The following VEPH1 variants were observed in gnomAD, a reference collection of about 807,000 sequenced individuals.
VEPH1 encodes the protein ventricular zone-expressed PH domain-containing protein homolog 1.
In VEPH1, 80 loss-of-function variants were observed where a neutral mutation model predicts 85.2. The ratio of observed to expected loss-of-function variants is 0.94; its 90% confidence interval spans 0.78 to 1.13. The LOEUF (loss-of-function observed/expected upper bound fraction) is 1.13. Ranked by LOEUF, VEPH1 falls within the 50% of genes most tolerant of loss-of-function variation. VEPH1 has a pLI of 0.00. For synonymous variants in VEPH1, 297 were observed against 348.0 expected (o/e 0.85, Z 1.63); for missense variants, 955 against 980.5 (o/e 0.97, Z 0.35).
intron 2 of VEPH1, among the ~76,000 whole-genome samples, chr3:157,492,111 T>C (rs1739262529): frequency 6.6e-6 from 1 of 152,126 alleles, no homozygotes; most frequent in Admixed American, 6.6e-5. Flanking sequence ...GATTAGCCAG[T>C]ACAGGCCTAA....
intron 7 of VEPH1, 80 bp from the exon 8 acceptor site, chr3:157,364,592 C>G: frequency 2.2e-6 from 3 of 1,351,476 alleles, no homozygotes; most frequent in African/African-American, 1.5e-5. Flanking sequence ...TTAACTGCCT[C>G]TCACTCAGAA....
At chr3:157,377,920 T>G (rs1728311721) in intron 7 of VEPH1, among the ~76,000 whole-genome samples, 1 of 152,164 alleles carries the variant, frequency 6.6e-6, no homozygotes, top group African/African-American at 2.4e-5. Flanking sequence ...TTTTTTCTCT[T>G]TATATAAAGC....
At chr3:157,372,891 A>G (rs1727672822) in intron 7 of VEPH1, among the ~76,000 whole-genome samples, 1 of 152,226 alleles carries the variant, frequency 6.6e-6, no homozygotes, top group Non-Finnish European at 1.5e-5. Context: ...CTTATTTTTA[A>G]TATCTGCAAT....
At chr3:157,412,306 A>G (rs1334572811) in intron 6 of VEPH1, among the ~76,000 whole-genome samples, 2 of 152,202 alleles carry the variant, frequency 1.3e-5, no homozygotes, top group South Asian at 2.1e-4. Flanking sequence ...ACTTAATTGC[A>G]TATGGTTATA....
intron 9 of VEPH1, among the ~76,000 whole-genome samples, chr3:157,362,135 A>G (rs1406322372): frequency 6.6e-6 from 1 of 151,900 alleles, no homozygotes; most frequent in African/African-American, 2.4e-5. Context: ...GGCTCAAGCC[A>G]TTCTCCTGCC....
At chr3:157,334,218 G>T (rs1034361348) in intron 9 of VEPH1, among the ~76,000 whole-genome samples, 1 of 152,132 alleles carries the variant, frequency 6.6e-6, no homozygotes, top group African/African-American at 2.4e-5. Context: ...GAGAAAGTTA[G>T]GGGGCATTTT....
At chr3:157,396,243 GT>G (rs1181496743) in intron 6 of VEPH1, among the ~76,000 whole-genome samples, 62 of 152,256 alleles carry the variant, frequency 4.1e-4, no homozygotes, top group African/African-American at 1.4e-3. Context: ...CTCCATCCAT[GT>G]TCCTGCAAAG....
chr3:157,425,003 G>A (rs1485386467), intron 5 of VEPH1, among the ~76,000 whole-genome samples: 6 of 152,172 alleles, frequency 3.9e-5, no homozygotes, highest in African/African-American at 7.2e-5. Flanking sequence ...CCCATCACAG[G>A]CCCAGAGATC....
At chr3:157,389,771 T>G (rs1729683315) in intron 6 of VEPH1, among the ~76,000 whole-genome samples, 1 of 152,166 alleles carries the variant, frequency 6.6e-6, no homozygotes, top group African/African-American at 2.4e-5. Flanking sequence ...AAAAAGATTT[T>G]CCAAAGCATT....
chr3:157,451,506 T>C (rs1289823187), intron 4 of VEPH1, among the ~76,000 whole-genome samples: 1 of 152,150 alleles, frequency 6.6e-6, no homozygotes, highest in Non-Finnish European at 1.5e-5. Context: ...TATATAACCA[T>C]TAATAATAAG....
chr3:157,366,402 A>T (rs538681429), intron 7 of VEPH1, among the ~76,000 whole-genome samples: 52 of 152,148 alleles, frequency 3.4e-4, no homozygotes, highest in Non-Finnish European at 6.5e-4. Context: ...TGAGAGTGAG[A>T]GGAAAAACAT....
intron 6 of VEPH1, among the ~76,000 whole-genome samples, chr3:157,386,808 T>G (rs1036551159): frequency 6.6e-6 from 1 of 152,244 alleles, no homozygotes; most frequent in Admixed American, 6.5e-5. Flanking sequence ...TCTTGGTTTG[T>G]GCCTAGGCAC....
intron 5 of VEPH1, among the ~76,000 whole-genome samples, chr3:157,426,124 T>A (rs1298060027): frequency 6.6e-6 from 1 of 152,196 alleles, no homozygotes; most frequent in Non-Finnish European, 1.5e-5. Context: ...AAATTAAACC[T>A]CTTTTTCTTC....
intron 4 of VEPH1, 52 bp from the exon 5 acceptor site, chr3:157,428,540 A>G (rs1330512453): frequency 6.5e-7 from 1 of 1,550,240 alleles, no homozygotes; most frequent in African/African-American, 1.4e-5. Flanking sequence ...CATGAGCAAC[A>G]GAAATAACAT....
At chr3:157,305,399 C>T (rs1349123051) in intron 11 of VEPH1, among the ~76,000 whole-genome samples, 3 of 152,084 alleles carry the variant, frequency 2.0e-5, no homozygotes, top group Non-Finnish European at 4.4e-5. Flanking sequence ...CGTGAGCCAC[C>T]GCGCCCGGCC....
At chr3:157,406,238 C>G (rs1207961269) in intron 6 of VEPH1, among the ~76,000 whole-genome samples, 1 of 152,144 alleles carries the variant, frequency 6.6e-6, no homozygotes, top group Non-Finnish European at 1.5e-5. Flanking sequence ...AATGTTTTAA[C>G]TAAGTTTATC....
At chr3:157,369,656 T>C (rs1249870125) in intron 7 of VEPH1, among the ~76,000 whole-genome samples, 1 of 152,134 alleles carries the variant, frequency 6.6e-6, no homozygotes, top group African/African-American at 2.4e-5. Context: ...TTCCAATAAA[T>C]TGGAAGGTCA....
At chr3:157,353,103 C>T (rs907709685) in intron 9 of VEPH1, among the ~76,000 whole-genome samples, 9 of 152,048 alleles carry the variant, frequency 5.9e-5, no homozygotes, top group South Asian at 4.1e-4. Flanking sequence ...TTAGATAGGA[C>T]GCTGGGCATC....
At chr3:157,349,940 A>G (rs1341980861) in intron 9 of VEPH1, among the ~76,000 whole-genome samples, 1 of 152,198 alleles carries the variant, frequency 6.6e-6, no homozygotes, top group Non-Finnish European at 1.5e-5. Flanking sequence ...AAATGACCAT[A>G]CTAGCCAAGG....
Sources: allele counts gnomAD v4.1 joint callset (sites outside exome capture counted in the v4.1 genomes callset), GRCh38; gene constraint gnomAD v4.1.1; transcripts MANE v1.5; gene names NCBI Gene and HGNC (gene_info 2026-07-23, HGNC 2026-07-21).